The following CLDND1 variants were observed in gnomAD, a reference collection of about 807,000 sequenced individuals.
CLDND1 encodes the protein claudin domain containing 1, also known as claudin domain-containing protein 1.
Under a neutral mutation model 26.3 loss-of-function variants are expected in CLDND1, and 13 were observed. The observed-to-expected ratio is 0.49, with a 90% confidence interval of 0.32 to 0.78. CLDND1 has a LOEUF of 0.78. Ranked by LOEUF, CLDND1 falls within the 30% of genes least tolerant of loss-of-function variation. The probability of loss-of-function intolerance (pLI) is 0.03; values close to 1 mark genes in which losing one functional copy is unlikely to be tolerated. For synonymous variants in CLDND1, 107 were observed against 107.0 expected (o/e 1.00, Z 0.00); for missense variants, 289 against 312.8 (o/e 0.92, Z 0.57).
intron 2 of CLDND1, 98 bp downstream of exon 2, chr3:98,521,032 GAGA>G: frequency 1.0e-6 from 1 of 999,480 alleles, no homozygotes; most frequent in Non-Finnish European, 1.5e-6. Context: ...TAAGGAGAGA[GAGA>G]ACCAACAAAC....
chr3:98,516,499 T>A lies in CLDND1; in HGVS notation c.*160A>T. On this transcript the variant is annotated 3_prime_UTR_variant, in exon 5 of 5. Transcript: ENST00000341181. ...TAAACCACATAAATTTTAGTGGTAT[T>A]AAGTGTGTATTTAGTGGTGAATGTG... 5 of 1,411,490 alleles carry A rather than the reference T, an allele frequency of 3.5e-6. No homozygotes were observed. The highest frequency in any genetic ancestry group is 4.6e-6 in the Non-Finnish European group (5 of 1,084,840). The allele number at this position is 1,411,490 out of a possible 1,614,324, so 87.4% of individuals were successfully genotyped here. A position where few individuals can be genotyped will look rare whatever the true frequency, so the allele number is the denominator to read the frequency against.
At chr3:98,521,823 G>A (rs903583208) in intron 1 of CLDND1, 4 of 812,548 alleles carry the variant, frequency 4.9e-6, no homozygotes, top group Admixed American at 4.4e-5. Context: ...TGCACGAGCT[G>A]CAGAGGATTA....
Position 98,521,657 on chromosome 3 carries a change from G to A in CLDND1, c.-18-215C>T, listed in dbSNP as rs151010606. 8.1e-6 allele frequency: 13 copies of A among 1,611,276 alleles called. No homozygotes were observed. In the South Asian group the frequency reaches 1.3e-4, roughly 16 times the overall value. ...ACTTATTGAATGCTCACATACCCAG[G>A]ATGCTACGGAGACAGAGGTCTTGTT... On this transcript the variant is annotated intron_variant, in intron 1 of 4. Transcript: ENST00000341181.
intron 1 of CLDND1, chr3:98,522,069 C>T (rs1451310970): frequency 4.1e-5 from 8 of 195,782 alleles, no homozygotes; most frequent in East Asian, 1.3e-4. Flanking sequence ...CTCCCTAATC[C>T]ATTAAAGCTA....
chr3:98,515,920 T>C lies in CLDND1; in HGVS notation c.*739A>G. The C allele has an allele frequency of 8.1e-7, 1 of 1,236,582 alleles. No homozygotes were observed. Among genetic ancestry groups the C allele is most frequent in the Non-Finnish European group, 1.0e-6 (1 of 961,762 alleles). The allele number at this position is 1,236,582 out of a possible 1,614,324, so 76.6% of individuals were successfully genotyped here. A position where few individuals can be genotyped will look rare whatever the true frequency, so the allele number is the denominator to read the frequency against. On this transcript the variant is annotated 3_prime_UTR_variant, in exon 5 of 5. Coordinates refer to ENST00000341181, the MANE Select transcript of CLDND1 (RefSeq NM_001040181.2). ...AAGCACACTTTTAATAACCCTGGTA[T>C]GTGAAGAGGAAAGAAAAAAAATCCA...
At chr3:98,521,486 C>G (rs1207935904) in intron 1 of CLDND1, 44 bp from the exon 2 acceptor site, 1 of 1,569,994 alleles carries the variant, frequency 6.4e-7, no homozygotes, top group Non-Finnish European at 8.7e-7. Context: ...AGTTTACGGA[C>G]AAATAAGAAA....
At chr3:98,520,211 G>T (rs998474290) in intron 2 of CLDND1, among the ~76,000 whole-genome samples, 1 of 152,162 alleles carries the variant, frequency 6.6e-6, no homozygotes, top group African/African-American at 2.4e-5. Context: ...TGACTAAATG[G>T]TAACACTCCA....
Position 98,516,488 on chromosome 3 carries a change from T to G in CLDND1, c.*171A>C. 7.2e-7 allele frequency: 1 copy of G among 1,388,614 alleles called. No individual in the cohort carries two copies. Among genetic ancestry groups the G allele is most frequent in the East Asian group, 2.6e-5 (1 of 38,038 alleles). The allele number at this position is 1,388,614 out of a possible 1,614,324, so 86.0% of individuals were successfully genotyped here. ...ATCGCTTAAAGTAAACCACATAAATTTTAGTGGTATTAAGTGTGTATTTAG... is the reference window on the plus strand; with the variant it reads ...ATCGCTTAAAGTAAACCACATAAATGTTAGTGGTATTAAGTGTGTATTTAG... On this transcript the variant is annotated 3_prime_UTR_variant, in exon 5 of 5. Coordinates refer to ENST00000341181, the MANE Select transcript of CLDND1 (RefSeq NM_001040181.2).
intron 4 of CLDND1, 27 bp from the exon 5 acceptor site, chr3:98,516,906 CA>C: frequency 1.2e-6 from 2 of 1,613,016 alleles, no homozygotes; most frequent in Non-Finnish European, 8.5e-7. Flanking sequence ...GAAAACAAAA[CA>C]AAACATGGCT....
intron 1 of CLDND1, 184 bp from the exon 2 acceptor site, chr3:98,521,626 A>G (rs371059754): frequency 6.3e-7 from 1 of 1,593,324 alleles, no homozygotes; most frequent in Non-Finnish European, 8.6e-7. Flanking sequence ...TCATTCTCAT[A>G]AAAGTACTTA....
chr3:98,519,948 T>C (rs536506206), intron 2 of CLDND1, among the ~76,000 whole-genome samples: 3 of 152,346 alleles, frequency 2.0e-5, no homozygotes, highest in East Asian at 3.9e-4. Flanking sequence ...AATCATAACC[T>C]ATGGCCACCA....
At position 98,518,671 on chromosome 3, in the gene CLDND1, T is replaced by C. The variant is rs1576269474; in HGVS notation, c.403+214A>G. The C allele has an allele frequency of 7.4e-6, 4 of 537,850 alleles. No homozygotes were observed. The East Asian group carries it at 1.2e-4, about 16-fold the overall frequency. The allele number at this position is 537,850 out of a possible 1,614,324, so 33.3% of individuals were successfully genotyped here. On this transcript the variant is annotated intron_variant, in intron 3 of 4. Coordinates refer to ENST00000341181, the MANE Select transcript of CLDND1 (RefSeq NM_001040181.2). ...TAGATCCCATCATCCAATGAAGTAGTTGGCCCTGTCAACTTCAAATCATTT... is the reference window on the plus strand; with the variant it reads ...TAGATCCCATCATCCAATGAAGTAGCTGGCCCTGTCAACTTCAAATCATTT...
At position 98,516,733 on chromosome 3, in the gene CLDND1, A is replaced by G; in HGVS notation, c.688T>C (p.Ser230Pro). Residue 230 changes from serine to proline, a missense_variant, in exon 5 of 5, where the codon TCT becomes CCT. Ser to Pro is a moderately conservative substitution (Grantham distance 74). Transcript: ENST00000341181. ...CVSAPLQFMA[S>P]ALFIWAAHTN... The stretch of plus-strand genomic sequence containing the variant: ...TGAGCAGCCCAGATGAAGAGAGCAG[A>G]AGCCATGAACTGTAAGGGAGCAGAG... 6.2e-7 allele frequency: 1 copy of G among 1,614,204 alleles called. No homozygotes were observed. The highest frequency in any genetic ancestry group is 1.1e-5 in the South Asian group (1 of 91,086).
rs768476568 is a variant in CLDND1 at position 98,521,158 on chromosome 3, A to G, written c.267T>C (p.His89=). The change falls in exon 2 of 5, where the codon CAT becomes CAC. Residue 89 remains histidine (H), a synonymous_variant. Coordinates refer to ENST00000341181, the MANE Select transcript of CLDND1 (RefSeq NM_001040181.2). The stretch of plus-strand genomic sequence containing the variant: ...CTGTCCTTTCTGGTGGGCTATACCA[A>G]TGCATGTTTTTGGGTATGGTGATAC... ...RRCITIPKNM[H]WYSPPERTES... The G allele has an allele frequency of 1.2e-5, 20 of 1,613,742 alleles. No homozygotes were observed. The highest frequency in any genetic ancestry group is 1.7e-5 in the Non-Finnish European group (20 of 1,179,718).
At position 98,522,018 on chromosome 3, in the gene CLDND1, CAA is replaced by C. The variant is rs2107159887; in HGVS notation, c.-18-578_-18-577del. On this transcript the variant is annotated intron_variant, in intron 1 of 4. Coordinates refer to ENST00000341181, the MANE Select transcript of CLDND1 (RefSeq NM_001040181.2). ...AGGTTGTTCTAGGTGTATAAAATAG[CAA>C]AGAGAACAATAACATGTAATAATGC... The C allele has an allele frequency of 6.6e-6, 2 of 303,892 alleles. 1 individual carries two copies. Among genetic ancestry groups the C allele is most frequent in the East Asian group, 1.3e-4 (2 of 15,710 alleles). The allele number at this position is 303,892 out of a possible 1,614,324, so 18.8% of individuals were successfully genotyped here.
chr3:98,515,887 TA>T lies in CLDND1; in HGVS notation c.*771del. 7.8e-7 allele frequency: 1 copy of T among 1,281,408 alleles called. No individual in the cohort carries two copies. The highest frequency in any genetic ancestry group is 2.3e-5 in the Admixed American group (1 of 42,926). 79.4% of individuals were successfully genotyped at this position (1,281,408 alleles called of 1,614,324 possible). A position where few individuals can be genotyped will look rare whatever the true frequency, so the allele number is the denominator to read the frequency against. ...TTTACCTTGTAACTGTAATATAATG[TA>T]AAAAGAAAGCACACTTTTAATAACC... On this transcript the variant is annotated 3_prime_UTR_variant, in exon 5 of 5. Transcript: ENST00000341181.
chr3:98,522,801 G>C (rs545725239), intron 1 of CLDND1, 48 bp downstream of exon 1: 1 of 1,613,482 alleles, frequency 6.2e-7, no homozygotes, highest in Non-Finnish European at 8.5e-7. Flanking sequence ...CGGGAACATG[G>C]AACCGCGACG....
intron 3 of CLDND1, 64 bp downstream of exon 3, chr3:98,518,821 C>G: frequency 1.0e-6 from 1 of 989,464 alleles, no homozygotes; most frequent in Non-Finnish European, 1.6e-6. Context: ...AAACATAGTC[C>G]AAAAAGAGAC....
chr3:98,518,395 T>C (rs1487323152), intron 3 of CLDND1, among the ~76,000 whole-genome samples: 1 of 152,194 alleles, frequency 6.6e-6, no homozygotes, highest in Non-Finnish European at 1.5e-5. Context: ...AGGGAATAGG[T>C]TGTTCCTAAT....
Sources: allele counts gnomAD v4.1 joint callset (sites outside exome capture counted in the v4.1 genomes callset), GRCh38; gene constraint gnomAD v4.1.1; transcripts MANE v1.5; gene names NCBI Gene and HGNC (gene_info 2026-07-23, HGNC 2026-07-21).